The following WDR19 variants were observed in gnomAD, a reference collection of about 807,000 sequenced individuals.
The protein encoded by WDR19 is WD repeat domain 19.
A neutral mutation model predicts 180.0 loss-of-function variants in WDR19; 121 were observed. That is an observed-to-expected ratio of 0.67 (90% confidence interval 0.58 to 0.78). The LOEUF (loss-of-function observed/expected upper bound fraction) is 0.78, where lower values mean the gene tolerates loss of function less well. Ranked by LOEUF, WDR19 falls within the 30% of genes least tolerant of loss-of-function variation. The pLI is 0.00. For missense variants in WDR19, 1,450 were observed against 1,640.7 expected, an observed-to-expected ratio of 0.88 and a Z score of 2.01; for synonymous variants, 497 against 540.7, an observed-to-expected ratio of 0.92 and a Z score of 1.12.
At chr4:39,186,839 C>T (rs1205284942) in intron 3 of WDR19, among the ~76,000 whole-genome samples, 1 of 152,132 alleles carries the variant, frequency 6.6e-6, no homozygotes, top group East Asian at 1.9e-4. Flanking sequence ...GATTATAAAT[C>T]AGACCGTGTG....
chr4:39,253,884 T>G, intron 25 of WDR19, 22 bp from the exon 26 acceptor site: 1 of 1,570,384 alleles, frequency 6.4e-7, no homozygotes, highest in Non-Finnish European at 8.6e-7. Context: ...AGAGTCTAGC[T>G]AATTAAAGTA....
intron 3 of WDR19, 79 bp from the exon 4 acceptor site, chr4:39,189,577 C>T (rs1725929529): frequency 7.8e-7 from 1 of 1,289,990 alleles, no homozygotes; most frequent in Non-Finnish European, 1.0e-6. Flanking sequence ...ATTGAATAAT[C>T]TTGTTATAGA....
chr4:39,250,385 C>A (rs1022636380), intron 24 of WDR19, among the ~76,000 whole-genome samples: 4 of 152,134 alleles, frequency 2.6e-5, no homozygotes, highest in African/African-American at 7.2e-5. Flanking sequence ...CTATGACCAA[C>A]CCACAGCCAA....
chr4:39,244,431 A>G (rs373697276), intron 22 of WDR19, 39 bp from the exon 23 acceptor site: 3 of 1,613,724 alleles, frequency 1.9e-6, no homozygotes, highest in Admixed American at 1.7e-5. Context: ...TCTTTTATAC[A>G]TAATAACTTA....
intron 14 of WDR19, among the ~76,000 whole-genome samples, chr4:39,224,445 A>G (rs193182201): frequency 6.1e-4 from 93 of 152,064 alleles, no homozygotes; most frequent in African/African-American, 2.1e-3. Context: ...CAATGGTGCA[A>G]TCTCGGCTCA....
chr4:39,250,915 G>A (rs1016273616), intron 24 of WDR19, among the ~76,000 whole-genome samples: 1 of 152,152 alleles, frequency 6.6e-6, no homozygotes, highest in African/African-American at 2.4e-5. Context: ...TCAATATCGT[G>A]AAAAATGGCC....
intron 24 of WDR19, among the ~76,000 whole-genome samples, chr4:39,251,120 T>A (rs1277529325): frequency 4.3e-4 from 65 of 152,146 alleles, no homozygotes; most frequent in Non-Finnish European, 2.4e-4. Flanking sequence ...ACTACAAGGC[T>A]ACAGTAACCA....
intron 9 of WDR19, among the ~76,000 whole-genome samples, chr4:39,209,375 TA>T (rs1194741312): frequency 3.3e-5 from 5 of 151,980 alleles, no homozygotes; most frequent in Non-Finnish European, 5.9e-5. Flanking sequence ...ATGTTTACAT[TA>T]GGGGGAAAAA....
At position 39,271,531 on chromosome 4, in the gene WDR19, G is replaced by A. The variant is rs190909935; in HGVS notation, c.3483+1431G>A. 6.7e-3 allele frequency among the ~76,000 whole-genome samples: 1,022 copies of A among 152,076 alleles called. 10 individuals carry two copies. The highest frequency in any genetic ancestry group is 0.013 in the South Asian group (64 of 4,814). Reference sequence around the variant, plus strand: ...CTGCAGTGAGCTATAATCACACCATGGCACTCCAGCCTGGGCAACAGAGCG... The same window carrying A: ...CTGCAGTGAGCTATAATCACACCATAGCACTCCAGCCTGGGCAACAGAGCG... On this transcript the variant is annotated intron_variant, in intron 31 of 36. Transcript: ENST00000399820.
intron 24 of WDR19, among the ~76,000 whole-genome samples, chr4:39,251,300 A>G (rs1159560713): frequency 6.6e-6 from 1 of 152,244 alleles, no homozygotes; most frequent in Non-Finnish European, 1.5e-5. Context: ...AAAACTGGCT[A>G]GCCATATGGA....
intron 15 of WDR19, 122 bp from the exon 16 acceptor site, chr4:39,228,088 A>T (rs549196043): frequency 1.1e-5 from 11 of 977,118 alleles, no homozygotes; most frequent in African/African-American, 1.6e-5. Context: ...TGTTGGAGTG[A>T]TGTTAGGTTG....
chr4:39,208,746 A>G (rs1415596917), intron 9 of WDR19, among the ~76,000 whole-genome samples: 1 of 152,198 alleles, frequency 6.6e-6, no homozygotes, highest in South Asian at 2.1e-4. Context: ...ATTTACATTG[A>G]TATGTTTGAA....
intron 28 of WDR19, among the ~76,000 whole-genome samples, chr4:39,261,746 C>T (rs1228343711): frequency 1.3e-5 from 2 of 152,208 alleles, no homozygotes. Context: ...ATGGATGTCC[C>T]TTGCAGCTGT....
intron 21 of WDR19, among the ~76,000 whole-genome samples, chr4:39,240,714 G>T (rs1731848089): frequency 6.6e-6 from 1 of 152,054 alleles, no homozygotes; most frequent in African/African-American, 2.4e-5. Context: ...CACTTTGGGA[G>T]GCCAAGGTGG....
At position 39,245,366 on chromosome 4, in the gene WDR19, C is replaced by T; in HGVS notation, c.2646-3C>T. 6.2e-7 allele frequency: 1 copy of T among 1,612,656 alleles called. No homozygotes were observed. Among genetic ancestry groups the T allele is most frequent in the Non-Finnish European group, 8.5e-7 (1 of 1,179,398 alleles). ...TACTGTTCTCCTGGACCTACCTTTC[C>T]AGGGCAAAAGTTGGTGATCTTCTGC... is the stretch of plus-strand genomic sequence containing the variant. On this transcript the variant is annotated splice_polypyrimidine_tract_variant and splice_region_variant and intron_variant, in intron 23 of 36. Transcript: ENST00000399820.
At chr4:39,259,939 T>C (rs575183285) in intron 28 of WDR19, among the ~76,000 whole-genome samples, 1 of 152,308 alleles carries the variant, frequency 6.6e-6, no homozygotes, top group African/African-American at 2.4e-5. Flanking sequence ...GCATAAATGC[T>C]TTCATACAGT....
intron 14 of WDR19, among the ~76,000 whole-genome samples, chr4:39,222,182 G>C (rs1264815505): frequency 6.6e-6 from 1 of 152,142 alleles, no homozygotes. Flanking sequence ...TAATGATGTG[G>C]CACTTAGCAT....
chr4:39,253,892 GTACTT>G lies in WDR19; in HGVS notation c.2877-12_2877-8del. 1 of 1,585,676 alleles carries G rather than the reference GTACTT, an allele frequency of 6.3e-7. No homozygotes were observed. The highest frequency in any genetic ancestry group is 8.6e-7 in the Non-Finnish European group (1 of 1,165,432). On this transcript the variant is annotated splice_polypyrimidine_tract_variant and intron_variant, in intron 25 of 36. Coordinates refer to ENST00000399820, the MANE Select transcript of WDR19 (RefSeq NM_025132.4). ...TATATTAAGAGTCTAGCTAATTAAA[GTACTT>G]TGCTTTAGGTTTTTTCTACAGCTTG...
At chr4:39,260,797 T>G (rs1734211128) in intron 28 of WDR19, among the ~76,000 whole-genome samples, 2 of 152,220 alleles carry the variant, frequency 1.3e-5, no homozygotes, top group South Asian at 4.1e-4. Flanking sequence ...CTTCTCACTG[T>G]GTCCACACGT....
Sources: allele counts gnomAD v4.1 joint callset (sites outside exome capture counted in the v4.1 genomes callset), GRCh38; gene constraint gnomAD v4.1.1; transcripts MANE v1.5; gene names NCBI Gene and HGNC (gene_info 2026-07-23, HGNC 2026-07-21).